The following FAM13A variants were observed in gnomAD, a reference collection of about 807,000 sequenced individuals.
FAM13A encodes protein FAM13A.
Under a neutral mutation model 129.6 loss-of-function variants are expected in FAM13A, and 76 were observed. That is an observed-to-expected ratio of 0.59 (90% CI 0.49 to 0.71). The LOEUF is 0.71. Ranked by LOEUF, FAM13A falls within the 30% of genes least tolerant of loss-of-function variation. The pLI is 0.00. For missense variants in FAM13A, 1,108 were observed against 1,249.3 expected (o/e 0.89, Z 1.70); for synonymous variants, 443 against 449.9 (o/e 0.98, Z 0.20).
Position 88,991,099 on chromosome 4 carries a change from A to T in FAM13A, c.479T>A (p.Leu160Gln). ...GAGGAGGCAGTAGTGGGTGTCTGGCAGCTCTTTTATTAAGTCTCTTAAGCT... is the reference window on the plus strand; with the variant it reads ...GAGGAGGCAGTAGTGGGTGTCTGGCTGCTCTTTTATTAAGTCTCTTAAGCT... ...ESSLRDLIKELPDTHYCLLKY... is the reference protein window; with the variant it reads ...ESSLRDLIKEQPDTHYCLLKY... The change falls in exon 4 of 24, where the codon CTG (leucine) becomes CAG (glutamine). Residue 160 changes from leucine to glutamine, a missense_variant. Transcript: ENST00000264344. 1 of 1,613,926 alleles carries T rather than the reference A, an allele frequency of 6.2e-7. No homozygotes were observed. The highest frequency in any genetic ancestry group is 8.5e-7 in the Non-Finnish European group (1 of 1,179,816).
chr4:88,782,364 G>T lies in FAM13A; in HGVS notation c.1272-1013C>A, dbSNP rs565959129. ...CAGCACAGCACCATGGCTTGGTAAG[G>T]AACAAATAAATGAGACTTTATTCTC... On this transcript the variant is annotated intron_variant, in intron 10 of 23. Coordinates refer to ENST00000264344, the MANE Select transcript of FAM13A (RefSeq NM_014883.4). Among the ~76,000 whole-genome samples, 601 of 151,290 alleles carry T rather than the reference G, an allele frequency of 4.0e-3. 2 individuals are homozygous for T. The highest frequency in any genetic ancestry group is 0.013 in the African/African-American group (555 of 41,314).
chr4:89,028,770 A>AT (rs948414625), intron 2 of FAM13A, among the ~76,000 whole-genome samples: 9 of 111,458 alleles, frequency 8.1e-5, no homozygotes, highest in Non-Finnish European at 1.5e-4. Context: ...CTTAAAGTAC[A>AT]TAAAAAAAAA....
intron 6 of FAM13A, among the ~76,000 whole-genome samples, chr4:88,858,104 T>C (rs917751243): frequency 4.6e-5 from 7 of 152,350 alleles, no homozygotes; most frequent in Non-Finnish European, 1.0e-4. Flanking sequence ...TATTAATGCA[T>C]GACTATGAGT....
chr4:88,918,345 T>C (rs1750437903), intron 5 of FAM13A, among the ~76,000 whole-genome samples: 1 of 152,224 alleles, frequency 6.6e-6, no homozygotes, highest in Non-Finnish European at 1.5e-5. Flanking sequence ...CATTTGATCT[T>C]CACAACAACC....
chr4:88,952,763 C>T (rs534322280), intron 4 of FAM13A, among the ~76,000 whole-genome samples: 6 of 152,090 alleles, frequency 3.9e-5, no homozygotes, highest in East Asian at 3.9e-4. Context: ...GCCTGGCCAA[C>T]GTGGTGAAAC....
chr4:88,916,106 GCCCTGTAC>G (rs1027476844), intron 5 of FAM13A, among the ~76,000 whole-genome samples: 22 of 152,236 alleles, frequency 1.4e-4, no homozygotes, highest in Admixed American at 1.4e-3. Flanking sequence ...ACTATGTGAT[GCCCTGTAC>G]CACCTAGAGC....
At chr4:88,950,115 G>A (rs1275284575) in intron 4 of FAM13A, among the ~76,000 whole-genome samples, 2 of 151,886 alleles carry the variant, frequency 1.3e-5, no homozygotes, top group South Asian at 4.2e-4. Flanking sequence ...ATCTATTTTA[G>A]ACACACAGTC....
chr4:88,938,147 C>T lies in FAM13A; in HGVS notation c.700G>A (p.Glu234Lys). 6.2e-7 allele frequency: 1 copy of T among 1,613,228 alleles called. No individual in the cohort carries two copies. Among genetic ancestry groups the T allele is most frequent in the East Asian group, 2.2e-5 (1 of 44,864 alleles). Residue 234 changes from glutamate to lysine, a missense_variant, in exon 5 of 24, where the codon GAG (glutamate) becomes AAG (lysine). Coordinates refer to ENST00000264344, the MANE Select transcript of FAM13A (RefSeq NM_014883.4). ...LENYNTLFEVEYTENDHLRCE... is the reference protein window; with the variant it reads ...LENYNTLFEVKYTENDHLRCE... ...CTCAGATGATCATTTTCTGTATACT[C>T]TACTTCAAACAGGGTATTGTAATTT...
intron 6 of FAM13A, among the ~76,000 whole-genome samples, chr4:88,865,131 T>C (rs28459962): frequency 0.27 from 41,454 of 152,048 alleles, 6,002 homozygotes; most frequent in East Asian, 0.38. Flanking sequence ...CTGATAAAAA[T>C]TGTAGTAAAT....
At chr4:88,742,501 A>G (rs1740467620) in intron 19 of FAM13A, among the ~76,000 whole-genome samples, 1 of 152,220 alleles carries the variant, frequency 6.6e-6, no homozygotes, top group African/African-American at 2.4e-5. Context: ...AAAGATCTTT[A>G]AGTCTGAGGT....
intron 4 of FAM13A, among the ~76,000 whole-genome samples, chr4:88,981,275 T>C (rs535001153): frequency 6.6e-6 from 1 of 152,170 alleles, no homozygotes; most frequent in Non-Finnish European, 1.5e-5. Context: ...ACAAACTAAG[T>C]GTGCACAATG....
chr4:88,808,022 C>T (rs1300896806), intron 7 of FAM13A, among the ~76,000 whole-genome samples: 2 of 152,096 alleles, frequency 1.3e-5, no homozygotes, highest in Non-Finnish European at 2.9e-5. Flanking sequence ...CAGCAGTTAA[C>T]AGTGGAGCAA....
chr4:89,017,304 G>A (rs958161427), intron 3 of FAM13A, among the ~76,000 whole-genome samples: 8 of 151,908 alleles, frequency 5.3e-5, no homozygotes, highest in Non-Finnish European at 1.0e-4. Flanking sequence ...TTTGTTACCT[G>A]TGCATAACCT....
At chr4:88,998,504 C>T (rs1295602278) in intron 3 of FAM13A, among the ~76,000 whole-genome samples, 1 of 152,116 alleles carries the variant, frequency 6.6e-6, no homozygotes, top group Non-Finnish European at 1.5e-5. Flanking sequence ...AGAAATGTTT[C>T]CTGAATTAAT....
rs754773016 is a variant in FAM13A, at chr4:88,749,017, T to C, written c.2096A>G (p.Lys699Arg). ...EKKYRPSHSD[K>R]AANPEVLKWT... ...TTTCAGAACCTCCGGATTGGCTGCT[T>C]TGTCACTGTGGGAAGGCTGAGAAAA... The change falls in exon 17 of 24, where the codon AAA (lysine) becomes AGA (arginine). Residue 699 changes from lysine (K) to arginine (R), a missense_variant. Physicochemically the swap from Lys to Arg is conservative, Grantham distance 26. Transcript: ENST00000264344. The C allele has an allele frequency of 4.3e-6, 7 of 1,613,452 alleles. No individual in the cohort carries two copies. Among genetic ancestry groups the C allele is most frequent in the South Asian group, 3.3e-5 (3 of 91,058 alleles).
At chr4:88,922,284 T>G (rs1287550391) in intron 5 of FAM13A, among the ~76,000 whole-genome samples, 1 of 151,702 alleles carries the variant, frequency 6.6e-6, no homozygotes, top group African/African-American at 2.4e-5. Context: ...ATTCCAAAAT[T>G]GACCACATAA....
At chr4:88,749,435 A>G (rs1742075118) in intron 16 of FAM13A, among the ~76,000 whole-genome samples, 1 of 152,366 alleles carries the variant, frequency 6.6e-6, no homozygotes, top group South Asian at 2.1e-4. Flanking sequence ...GAACGAGCTC[A>G]GTGCTAACAA....
chr4:88,954,711 C>G (rs1757469361), intron 4 of FAM13A, among the ~76,000 whole-genome samples: 1 of 151,922 alleles, frequency 6.6e-6, no homozygotes, highest in Admixed American at 6.6e-5. Context: ...ACGGCAAAAA[C>G]CTCGTCTCTA....
At chr4:88,900,424 G>A (rs1182882629) in intron 6 of FAM13A, among the ~76,000 whole-genome samples, 1 of 151,948 alleles carries the variant, frequency 6.6e-6, no homozygotes, top group Non-Finnish European at 1.5e-5. Context: ...ACAAAGGGAA[G>A]CCTATCAGAC....
Sources: gnomAD v4.1 joint callset for allele counts (sites outside exome capture counted in the v4.1 genomes callset) on GRCh38, gnomAD v4.1.1 for gene constraint, MANE v1.5 for transcripts, NCBI Gene and HGNC (gene_info 2026-07-23, HGNC 2026-07-21) for gene names.